The following GFM1 variants were observed in gnomAD, a reference collection of about 807,000 sequenced individuals.
GFM1 encodes the protein G elongation factor mitochondrial 1.
Under a neutral mutation model 96.2 loss-of-function variants are expected in GFM1, and 62 were observed. The observed-to-expected ratio is 0.64, with a 90% confidence interval of 0.53 to 0.80. The LOEUF (loss-of-function observed/expected upper bound fraction) is 0.80. Among genes scored for constraint, GFM1 ranks in the 30% least tolerant of loss-of-function variants. The pLI is 0.00. For missense variants in GFM1, 852 were observed against 916.6 expected (o/e 0.93, Z 0.91); for synonymous variants, 282 against 312.9 (o/e 0.90, Z 1.04).
intron 13 of GFM1, chr3:158,669,698 T>C (rs6441215): frequency 0.36 from 452,136 of 1,243,272 alleles, 86,949 homozygotes; most frequent in African/African-American, 0.6. Context: ...AAGCATAGGC[T>C]CCTAATGGTG....
At chr3:158,660,232 C>G (rs2108038330) in intron 9 of GFM1, 1 of 149,656 alleles carries the variant, frequency 6.7e-6, no homozygotes, top group East Asian at 2.0e-4. Flanking sequence ...ACTGCGGCAA[C>G]ATATATAGTA....
At chr3:158,644,949 A>T in intron 1 of GFM1, 1 of 443,378 alleles carries the variant, frequency 2.3e-6, no homozygotes, top group South Asian at 3.8e-5. Context: ...TGTCACTCAG[A>T]TACTTTGATA....
Position 158,671,127 on chromosome 3 carries a change from A to G in GFM1, c.1601+4741A>G, listed in dbSNP as rs937263724. ...GGTTGGAGGGGCTGGCTGAAGGGGAATGGTGAAAGCCTTAGGTCTTGAAAA... is the reference window on the plus strand; with the variant it reads ...GGTTGGAGGGGCTGGCTGAAGGGGAGTGGTGAAAGCCTTAGGTCTTGAAAA... On this transcript the variant is annotated intron_variant, in intron 13 of 17. Transcript: ENST00000486715. The G allele has an allele frequency of 1.7e-5, 22 of 1,294,614 alleles. No individual in the cohort carries two copies. In the Admixed American group the frequency reaches 7.5e-4, roughly 44 times the overall value. 80.2% of individuals were successfully genotyped at this position (1,294,614 alleles called of 1,614,324 possible).
chr3:158,688,606 T>A (rs1453428553), intron 15 of GFM1, among the ~76,000 whole-genome samples: 2 of 152,222 alleles, frequency 1.3e-5, no homozygotes, highest in African/African-American at 4.8e-5. Context: ...TTTTTCATAT[T>A]AATTACATTT....
Position 158,665,329 on chromosome 3 carries a change from T to C in GFM1, c.1381-8T>C. Reference sequence around the variant, plus strand: ...AAAACATATAGTGACTTTCTTCTTCTTTTAAAGAACGATCTGGAAAAATTT... The same window carrying C: ...AAAACATATAGTGACTTTCTTCTTCCTTTAAAGAACGATCTGGAAAAATTT... On this transcript the variant is annotated splice_polypyrimidine_tract_variant and splice_region_variant and intron_variant, in intron 11 of 17. Coordinates refer to ENST00000486715, the MANE Select transcript of GFM1 (RefSeq NM_024996.7). 1 of 1,604,168 alleles carries C rather than the reference T, an allele frequency of 6.2e-7. No individual in the cohort carries two copies. Among genetic ancestry groups the C allele is most frequent in the South Asian group, 1.1e-5 (1 of 90,816 alleles).
chr3:158,691,443 T>TA lies in GFM1; in HGVS notation c.2238dup (p.Gly747ArgfsTer13). 1 of 1,613,602 alleles carries TA rather than the reference T, an allele frequency of 6.2e-7. No homozygotes were observed. Among genetic ancestry groups the TA allele is most frequent in the Non-Finnish European group, 8.5e-7 (1 of 1,179,680 alleles). On this transcript the variant is annotated frameshift_variant, in exon 18 of 18. Coordinates refer to ENST00000486715, the MANE Select transcript of GFM1 (RefSeq NM_024996.7). LOFTEE classifies it high-confidence loss of function. ...TGGAAGCTACAGGTCAACTTCCTGT[T>TA]AAAAAAGGAAAAGCCAAGAACTAAC...
At chr3:158,667,137 A>AT in intron 13 of GFM1, 1 of 1,434,276 alleles carries the variant, frequency 7.0e-7, no homozygotes, top group Non-Finnish European at 9.3e-7. Context: ...ATTACATTTA[A>AT]TTTTGAAAAT....
chr3:158,653,401 A>T lies in GFM1; in HGVS notation c.932A>T (p.Asp311Val), dbSNP rs752069831. Residue 311 changes from aspartate to valine, a missense_variant, in exon 7 of 18, where the codon GAT becomes GTT. Asp to Val is a radical substitution (Grantham distance 152). Coordinates refer to ENST00000486715, the MANE Select transcript of GFM1 (RefSeq NM_024996.7). ...AACAAAGGAGTTCAGCCTCTTTTAG[A>T]TGCTGTTTTAGAATACCTCCCAAAT... Reference protein sequence around the residue: ...LKNKGVQPLLDAVLEYLPNPS... With the variant: ...LKNKGVQPLLVAVLEYLPNPS... 1.2e-6 allele frequency: 2 copies of T among 1,613,202 alleles called. No homozygotes were observed. Among genetic ancestry groups the T allele is most frequent in the Non-Finnish European group, 1.7e-6 (2 of 1,179,242 alleles).
chr3:158,655,227 A>G (rs1722645460), intron 8 of GFM1, among the ~76,000 whole-genome samples: 1 of 152,108 alleles, frequency 6.6e-6, no homozygotes, highest in South Asian at 2.1e-4. Flanking sequence ...AGGCGGGCAG[A>G]TCAGAAGGTC....
intron 14 of GFM1, among the ~76,000 whole-genome samples, chr3:158,683,289 C>T (rs888793919): frequency 2.0e-5 from 3 of 152,160 alleles, no homozygotes; most frequent in Admixed American, 6.5e-5. Flanking sequence ...ATATAACTTA[C>T]AGTTTTGAAA....
intron 12 of GFM1, among the ~76,000 whole-genome samples, chr3:158,665,935 A>G (rs538551360): frequency 1.3e-5 from 2 of 152,362 alleles, no homozygotes; most frequent in East Asian, 3.9e-4. Context: ...AGTAAAAACC[A>G]AAGATATGTG....
chr3:158,684,990 C>G (rs779740701), intron 15 of GFM1: 13 of 212,968 alleles, frequency 6.1e-5, no homozygotes, highest in Non-Finnish European at 1.0e-4. Context: ...TAAAAGGTAT[C>G]TTAACTACAG....
At chr3:158,660,644 A>G (rs1023208447) in intron 9 of GFM1, 1 of 534,794 alleles carries the variant, frequency 1.9e-6, no homozygotes, top group Non-Finnish European at 3.3e-6. Flanking sequence ...TTTCTGTTTA[A>G]AGTAAAATCT....
At chr3:158,672,561 C>T in intron 13 of GFM1, 1 of 1,563,546 alleles carries the variant, frequency 6.4e-7, no homozygotes, top group African/African-American at 1.4e-5. Flanking sequence ...CTGCTTGCTG[C>T]TGGGTCCGGT....
chr3:158,682,437 A>G (rs1725477432), intron 14 of GFM1: 1 of 373,834 alleles, frequency 2.7e-6, no homozygotes, highest in South Asian at 2.9e-5. Flanking sequence ...ATTGTAATCA[A>G]TTTGTAGTAG....
Position 158,682,018 on chromosome 3 carries a change from A to G in GFM1, c.1625A>G (p.Gln542Arg). 6.2e-7 allele frequency: 1 copy of G among 1,613,628 alleles called. No homozygotes were observed. The highest frequency in any genetic ancestry group is 8.5e-7 in the Non-Finnish European group (1 of 1,179,776). Residue 542 changes from glutamine to arginine, a missense_variant, in exon 14 of 18, where the codon CAA (glutamine) becomes CGA (arginine). Physicochemically the swap from Gln to Arg is conservative, Grantham distance 43. Transcript: ENST00000486715. Reference sequence around the variant, plus strand: ...AGGTTTGACTTTACACATAAAAAACAATCAGGTGGTGCAGGCCAGTATGGA... The same window carrying G: ...AGGTTTGACTTTACACATAAAAAACGATCAGGTGGTGCAGGCCAGTATGGA... ...PVPFDFTHKK[Q>R]SGGAGQYGKV...
At chr3:158,664,612 A>AC (rs956223638) in intron 11 of GFM1, among the ~76,000 whole-genome samples, 10 of 150,772 alleles carry the variant, frequency 6.6e-5, no homozygotes, top group South Asian at 4.2e-4. Context: ...AATCCCTCTG[A>AC]CCCCCCCTTC....
chr3:158,672,724 G>T (rs1194524003), intron 13 of GFM1: 1 of 412,370 alleles, frequency 2.4e-6, no homozygotes, highest in East Asian at 4.9e-5. Context: ...CCTGCAGCGG[G>T]CTTCCTTACT....
chr3:158,667,015 A>G (rs1723759480), intron 13 of GFM1: 2 of 1,597,644 alleles, frequency 1.3e-6, no homozygotes, highest in Non-Finnish European at 1.7e-6. Flanking sequence ...ACTTTACCTG[A>G]GATGCTATAT....
Sources: gnomAD v4.1 joint callset for allele counts (sites outside exome capture counted in the v4.1 genomes callset) on GRCh38, gnomAD v4.1.1 for gene constraint, MANE v1.5 for transcripts, NCBI Gene and HGNC (gene_info 2026-07-23, HGNC 2026-07-21) for gene names.